Variants in ARHGAP5 observed in about 807,000 individuals in gnomAD.
ARHGAP5 encodes the protein rho GTPase-activating protein 5.
A neutral mutation model predicts 116.6 loss-of-function variants in ARHGAP5; 23 were observed. The observed-to-expected ratio is 0.20, with a 90% CI of 0.14 to 0.28. The LOEUF is 0.28. Ranked by LOEUF, ARHGAP5 falls within the 10% of genes least tolerant of loss-of-function variation. The pLI is 1.00. For missense variants in ARHGAP5, 1,405 were observed against 1,774.8 expected, an observed-to-expected ratio of 0.79 and a Z score of 3.74; for synonymous variants, 574 against 602.0, an observed-to-expected ratio of 0.95 and a Z score of 0.68.
At chr14:32,112,956 A>C (rs1002431869) in intron 2 of ARHGAP5, among the ~76,000 whole-genome samples, 1 of 152,212 alleles carries the variant, frequency 6.6e-6, no homozygotes, top group Non-Finnish European at 1.5e-5. Context: ...TTCTAACTAA[A>C]GGTTTATCAA....
intron 2 of ARHGAP5, among the ~76,000 whole-genome samples, chr14:32,111,839 ATTTTT>A (rs34512246): frequency 4.3e-5 from 4 of 93,176 alleles, no homozygotes; most frequent in Non-Finnish European, 6.3e-5. Flanking sequence ...TTCTTCTTTG[ATTTTT>A]TTTTTTTTTT....
chr14:32,144,608 C>A (rs1881291250), intron 3 of ARHGAP5, among the ~76,000 whole-genome samples: 1 of 151,976 alleles, frequency 6.6e-6, no homozygotes, highest in Non-Finnish European at 1.5e-5. Context: ...CTTAGCCTCC[C>A]AAGTAACTGA....
chr14:32,098,079 A>C (rs532252465), intron 2 of ARHGAP5, among the ~76,000 whole-genome samples: 1 of 152,210 alleles, frequency 6.6e-6, no homozygotes, highest in Non-Finnish European at 1.5e-5. Context: ...GAAGTTTCAA[A>C]AGTTTTTAAG....
chr14:32,139,372 C>T (rs1188725958), intron 3 of ARHGAP5, among the ~76,000 whole-genome samples: 2 of 151,908 alleles, frequency 1.3e-5, no homozygotes, highest in Non-Finnish European at 2.9e-5. Context: ...CTTTTGATTA[C>T]TAGATCAAGC....
At chr14:32,150,075 A>G (rs1311356763) in intron 5 of ARHGAP5, 42 bp downstream of exon 5, 1 of 1,483,614 alleles carries the variant, frequency 6.7e-7, no homozygotes, top group Non-Finnish European at 9.0e-7. Flanking sequence ...TGATAATGGC[A>G]GTTTTTGGAT....
At chr14:32,116,864 A>G (rs1231012158) in intron 2 of ARHGAP5, among the ~76,000 whole-genome samples, 1 of 152,186 alleles carries the variant, frequency 6.6e-6, no homozygotes, top group Non-Finnish European at 1.5e-5. Context: ...TTGGCATTGA[A>G]AAGTGATATT....
rs756388643 is a variant in ARHGAP5 at position 32,117,235 on chromosome 14, G to A, written c.3813G>A (p.Glu1271=). 6.2e-7 allele frequency: 1 copy of A among 1,611,382 alleles called. No individual in the cohort carries two copies. The highest frequency in any genetic ancestry group is 1.3e-5 in the African/African-American group (1 of 74,902). Residue 1271 remains glutamate, a synonymous_variant, in exon 3 of 7, where the codon GAG becomes GAA. Coordinates refer to ENST00000345122, the MANE Select transcript of ARHGAP5 (RefSeq NM_001030055.2). Reference sequence around the variant, plus strand: ...CCCTCCAGGATCTGGTTACAGCTGAGAAGCCCATACCACTATTTGTTGAGA... The same window carrying A: ...CCCTCCAGGATCTGGTTACAGCTGAAAAGCCCATACCACTATTTGTTGAGA... ...GMPLQDLVTA[E]KPIPLFVEKC...
At chr14:32,089,754 C>G (rs1400266633) in intron 1 of ARHGAP5, among the ~76,000 whole-genome samples, 2 of 151,638 alleles carry the variant, frequency 1.3e-5, no homozygotes, top group Non-Finnish European at 3.0e-5. Flanking sequence ...TTTCTTGAAT[C>G]TAATAAAAAA....
chr14:32,133,129 A>T (rs1331524716), intron 3 of ARHGAP5, among the ~76,000 whole-genome samples: 1 of 152,174 alleles, frequency 6.6e-6, no homozygotes, highest in Non-Finnish European at 1.5e-5. Flanking sequence ...GAAGAAAGTC[A>T]TTGGTAGCTT....
Position 32,091,556 on chromosome 14 carries a change from A to G in ARHGAP5, c.887A>G (p.Lys296Arg). The change falls in exon 2 of 7, where the codon AAA becomes AGA. Residue 296 changes from lysine to arginine, a missense_variant. By Grantham distance (26) the Lys-to-Arg change is conservative. Transcript: ENST00000345122. Reference protein sequence around the residue: ...YHATWKTVSNKLKNHPDYEEY... With the variant: ...YHATWKTVSNRLKNHPDYEEY... ...GCAACTTGGAAAACTGTTAGTAATA[A>G]ATTAAAAAATCATCCTGATTATGAA... 6.2e-7 allele frequency: 1 copy of G among 1,612,066 alleles called. No individual in the cohort carries two copies. Among genetic ancestry groups the G allele is most frequent in the Non-Finnish European group, 8.5e-7 (1 of 1,179,282 alleles).
chr14:32,097,906 T>G (rs2139031527), intron 2 of ARHGAP5, among the ~76,000 whole-genome samples: 1 of 152,282 alleles, frequency 6.6e-6, no homozygotes, highest in African/African-American at 2.4e-5. Context: ...CAGGAATAAT[T>G]AATGTGTAAC....
chr14:32,094,413 T>C (rs776649826), intron 2 of ARHGAP5, 27 bp downstream of exon 2: 1 of 1,493,618 alleles, frequency 6.7e-7, no homozygotes, highest in Non-Finnish European at 9.0e-7. Flanking sequence ...GTCAGTGATG[T>C]TTATAAAAAT....
chr14:32,148,426 TG>T (rs1161354156), intron 4 of ARHGAP5, among the ~76,000 whole-genome samples: 1 of 152,168 alleles, frequency 6.6e-6, no homozygotes, highest in Non-Finnish European at 1.5e-5. Context: ...ATGTCTAGTA[TG>T]GGAGTGATGA....
chr14:32,145,911 T>G (rs1403436539), intron 3 of ARHGAP5, among the ~76,000 whole-genome samples: 1 of 152,166 alleles, frequency 6.6e-6, no homozygotes, highest in Non-Finnish European at 1.5e-5. Context: ...TTAAGTACAT[T>G]TATTGTTATA....
At chr14:32,089,593 A>C (rs1178962864) in intron 1 of ARHGAP5, among the ~76,000 whole-genome samples, 1 of 151,958 alleles carries the variant, frequency 6.6e-6, no homozygotes, top group South Asian at 2.1e-4. Context: ...TAGTATATCA[A>C]ATAATTCTAA....
chr14:32,084,557 C>T (rs1452137093), intron 1 of ARHGAP5, among the ~76,000 whole-genome samples: 1 of 152,128 alleles, frequency 6.6e-6, no homozygotes, highest in Non-Finnish European at 1.5e-5. Flanking sequence ...ATTTACTGAG[C>T]CCTCACTGTG....
intron 2 of ARHGAP5, among the ~76,000 whole-genome samples, chr14:32,108,776 A>G (rs1426078936): frequency 1.3e-5 from 2 of 152,176 alleles, no homozygotes; most frequent in Non-Finnish European, 2.9e-5. Flanking sequence ...GAAGGATTAA[A>G]ATTTATATAA....
intron 2 of ARHGAP5, among the ~76,000 whole-genome samples, chr14:32,103,107 T>G (rs1878863525): frequency 6.6e-6 from 1 of 152,222 alleles, no homozygotes. Context: ...TTGATCTACC[T>G]GGTTAACTAG....
chr14:32,118,905 T>C (rs1879740581), intron 3 of ARHGAP5, among the ~76,000 whole-genome samples: 1 of 152,182 alleles, frequency 6.6e-6, no homozygotes, highest in Non-Finnish European at 1.5e-5. Flanking sequence ...GAATATTTCT[T>C]AGTAGTTGAG....
Sources: allele counts gnomAD v4.1 joint callset (sites outside exome capture counted in the v4.1 genomes callset), GRCh38; gene constraint gnomAD v4.1.1; transcripts MANE v1.5; gene names NCBI Gene and HGNC (gene_info 2026-07-23, HGNC 2026-07-21).